Variants in SDK1 observed in about 807,000 individuals in gnomAD.
SDK1 encodes the protein sidekick cell adhesion molecule 1.
SDK1 carries 157 observed loss-of-function variants against 245.5 expected under a neutral mutation model. The ratio of observed to expected loss-of-function variants is 0.64; its 90% CI spans 0.56 to 0.73. SDK1 has a LOEUF of 0.73. Ranked by LOEUF, SDK1 falls within the 30% of genes least tolerant of loss-of-function variation. SDK1 has a pLI of 0.00. For missense variants in SDK1, 3,583 were observed against 3,002.3 expected, an observed-to-expected ratio of 1.19 and a Z score of -4.52; for synonymous variants, 1,647 against 1,278.5, an observed-to-expected ratio of 1.29 and a Z score of -6.15.
chr7:3,580,468 G>C (rs1780443235), intron 1 of SDK1, among the ~76,000 whole-genome samples: 1 of 152,122 alleles, frequency 6.6e-6, no homozygotes, highest in African/African-American at 2.4e-5. Flanking sequence ...GAACAGAATA[G>C]AGTACCCACA....
Position 3,641,834 on chromosome 7 carries a change from G to A in SDK1, c.566-124G>A, listed in dbSNP as rs137956340. On this transcript the variant is annotated intron_variant, in intron 3 of 44. Coordinates refer to ENST00000404826, the MANE Select transcript of SDK1 (RefSeq NM_152744.4). Reference sequence around the variant, plus strand: ...TCAGCGCTGCCGTGCAGTCTCGCTCGTCCTGGTGTGAAATGTGGCAGCATC... The same window carrying A: ...TCAGCGCTGCCGTGCAGTCTCGCTCATCCTGGTGTGAAATGTGGCAGCATC... 1,140 of 784,010 alleles carry A rather than the reference G, an allele frequency of 1.5e-3. 8 individuals are homozygous for A. In the African/African-American group the frequency reaches 0.016, roughly 11 times the overall value. 48.6% of individuals were successfully genotyped at this position (784,010 alleles called of 1,614,324 possible).
intron 1 of SDK1, among the ~76,000 whole-genome samples, chr7:3,439,437 T>C (rs1780129331): frequency 6.6e-6 from 1 of 152,040 alleles, no homozygotes; most frequent in Admixed American, 6.5e-5. Flanking sequence ...TGAAGAGTAA[T>C]GTTAGATTGT....
intron 44 of SDK1, among the ~76,000 whole-genome samples, chr7:4,261,131 A>G (rs1787976176): frequency 6.6e-6 from 1 of 152,074 alleles, no homozygotes; most frequent in African/African-American, 2.4e-5. Flanking sequence ...CTACGCCTCC[A>G]TGGGGTTTCT....
At chr7:4,209,815 C>G (rs1356338076) in intron 37 of SDK1, among the ~76,000 whole-genome samples, 1 of 152,180 alleles carries the variant, frequency 6.6e-6, no homozygotes, top group Non-Finnish European at 1.5e-5. Context: ...GTCATTTTCT[C>G]CACTCTTCTC....
At chr7:3,460,351 G>T (rs1170689672) in intron 1 of SDK1, among the ~76,000 whole-genome samples, 2 of 152,136 alleles carry the variant, frequency 1.3e-5, no homozygotes, top group African/African-American at 4.8e-5. Flanking sequence ...TAACTTTTAG[G>T]AGCTCCACTT....
At chr7:3,531,287 T>A (rs1380242977) in intron 1 of SDK1, among the ~76,000 whole-genome samples, 3 of 152,234 alleles carry the variant, frequency 2.0e-5, no homozygotes, top group Non-Finnish European at 4.4e-5. Flanking sequence ...ATGCTTAACA[T>A]AAGTCCTTTA....
At chr7:4,179,219 C>G (rs1390060040) in intron 35 of SDK1, 3 of 152,382 alleles carry the variant, frequency 2.0e-5, no homozygotes, top group Non-Finnish European at 2.9e-5. Context: ...GAACCTCACC[C>G]TCCTCGCTGG....
intron 5 of SDK1, among the ~76,000 whole-genome samples, chr7:3,860,420 A>C (rs76858347): frequency 6.6e-6 from 1 of 152,214 alleles, no homozygotes; most frequent in African/African-American, 2.4e-5. Flanking sequence ...AAAGATGGTC[A>C]AGTTGACTTT....
At chr7:4,072,631 G>T (rs56061249) in intron 20 of SDK1, among the ~76,000 whole-genome samples, 82 of 152,310 alleles carry the variant, frequency 5.4e-4, no homozygotes, top group Non-Finnish European at 5.9e-5. Context: ...AACTGTGTTC[G>T]TGGGCAAACC....
In SDK1 at chr7:3,475,131, C is replaced by T. The variant is rs1198785497; in HGVS notation, c.299-143949C>T. ...CTTGCTTAAAGCTCTTTGATTCCTT[C>T]CCCTTGTTCCATTCTCTCCCTTATG... On this transcript the variant is annotated intron_variant, in intron 1 of 44. Transcript: ENST00000404826. Among the ~76,000 whole-genome samples, 4 of 152,308 alleles carry T rather than the reference C, an allele frequency of 2.6e-5. No individual in the cohort carries two copies. The East Asian group carries it at 5.8e-4, about 22-fold the overall frequency.
At chr7:4,208,013 C>G in intron 36 of SDK1, 86 bp from the exon 37 acceptor site, 1 of 990,740 alleles carries the variant, frequency 1.0e-6, no homozygotes, top group Non-Finnish European at 1.5e-6. Context: ...TCAGCTCACC[C>G]CCTCGCTTTG....
intron 5 of SDK1, among the ~76,000 whole-genome samples, chr7:3,939,546 C>G (rs1326695811): frequency 6.6e-6 from 1 of 152,270 alleles, no homozygotes; most frequent in African/African-American, 2.4e-5. Context: ...TGCCCAGGTT[C>G]TGCCACAAGA....
At chr7:4,044,772 T>C (rs751283808) in intron 17 of SDK1, among the ~76,000 whole-genome samples, 7 of 152,186 alleles carry the variant, frequency 4.6e-5, no homozygotes, top group South Asian at 2.1e-4. Flanking sequence ...GTGAGATTTA[T>C]TGTGGTTTCA....
At chr7:4,076,361 C>G (rs1042143446) in intron 20 of SDK1, among the ~76,000 whole-genome samples, 2 of 152,136 alleles carry the variant, frequency 1.3e-5, no homozygotes, top group Admixed American at 1.3e-4. Context: ...CCAGACCAGC[C>G]TGGGCAACAG....
chr7:3,649,618 C>G (rs1583270528), intron 4 of SDK1, among the ~76,000 whole-genome samples: 1 of 152,246 alleles, frequency 6.6e-6, no homozygotes, highest in East Asian at 1.9e-4. Context: ...GTGCCAGGCA[C>G]TGTTTTAAGG....
intron 2 of SDK1, among the ~76,000 whole-genome samples, chr7:3,620,730 G>A (rs565849708): frequency 1.3e-5 from 2 of 152,266 alleles, no homozygotes; most frequent in South Asian, 4.1e-4. Flanking sequence ...CGGCTGAGCA[G>A]AGCTGCCCCC....
Position 4,174,371 on chromosome 7 carries a change from C to T in SDK1, c.4936+14C>T. The T allele has an allele frequency of 6.2e-7, 1 of 1,613,346 alleles. No homozygotes were observed. Among genetic ancestry groups the T allele is most frequent in the Non-Finnish European group, 8.5e-7 (1 of 1,179,492 alleles). Reference sequence around the variant, plus strand: ...CTGAGCTCACAGGTGAGACTGTCCCCTCTGTCCTGGTACAGGGAGGGAGGT... The same window carrying T: ...CTGAGCTCACAGGTGAGACTGTCCCTTCTGTCCTGGTACAGGGAGGGAGGT... On this transcript the variant is annotated intron_variant, in intron 33 of 44. Coordinates refer to ENST00000404826, the MANE Select transcript of SDK1 (RefSeq NM_152744.4).
intron 1 of SDK1, among the ~76,000 whole-genome samples, chr7:3,482,360 C>G (rs1179704728): frequency 1.3e-5 from 2 of 152,142 alleles, no homozygotes; most frequent in Non-Finnish European, 2.9e-5. Flanking sequence ...TCTTTCTGAA[C>G]TCAAGGGCCG....
chr7:3,564,363 C>T (rs1407194829), intron 1 of SDK1, among the ~76,000 whole-genome samples: 1 of 152,040 alleles, frequency 6.6e-6, no homozygotes, highest in Non-Finnish European at 1.5e-5. Context: ...ATGCTGGCAC[C>T]TGTAGTCCCA....
Sources: gnomAD v4.1 joint callset for allele counts (sites outside exome capture counted in the v4.1 genomes callset) on GRCh38, gnomAD v4.1.1 for gene constraint, MANE v1.5 for transcripts, NCBI Gene and HGNC (gene_info 2026-07-23, HGNC 2026-07-21) for gene names.